BMP7: variants seen among roughly 807,000 people sequenced by gnomAD.
The protein encoded by BMP7 is osteogenic protein 1.
A neutral mutation model predicts 41.2 loss-of-function variants in BMP7; 12 were observed. That is an observed-to-expected ratio of 0.29 (90% confidence interval 0.19 to 0.47). The LOEUF (loss-of-function observed/expected upper bound fraction) is 0.47. BMP7 is among the 20% of genes least tolerant of loss of function. The pLI is 0.99. For missense variants in BMP7, 467 were observed against 606.0 expected, an observed-to-expected ratio of 0.77 and a Z score of 2.41; for synonymous variants, 248 against 250.0, an observed-to-expected ratio of 0.99 and a Z score of 0.07.
chr20:57,247,516 T>C (rs1056205643), intron 1 of BMP7, among the ~76,000 whole-genome samples: 1 of 152,106 alleles, frequency 6.6e-6, no homozygotes, highest in Non-Finnish European at 1.5e-5. Context: ...TCTCCCCTAA[T>C]CATCTCCTCC....
At chr20:57,248,396 A>G (rs1190105380) in intron 1 of BMP7, among the ~76,000 whole-genome samples, 1 of 152,196 alleles carries the variant, frequency 6.6e-6, no homozygotes, top group African/African-American at 2.4e-5. Context: ...AAGTAACAAG[A>G]CAGGGGCTTA....
chr20:57,207,228 G>A (rs1438703258), intron 2 of BMP7, among the ~76,000 whole-genome samples: 2 of 152,176 alleles, frequency 1.3e-5, no homozygotes, highest in Non-Finnish European at 2.9e-5. Context: ...CTACACTGCT[G>A]AAGGAAGAGA....
chr20:57,172,831 C>A (rs2123055762), intron 6 of BMP7, among the ~76,000 whole-genome samples: 1 of 152,296 alleles, frequency 6.6e-6, no homozygotes, highest in African/African-American at 2.4e-5. Context: ...GTGCCCCTCA[C>A]TGAAATTTCT....
chr20:57,266,148 G>A lies in BMP7; in HGVS notation c.-26C>T, dbSNP rs375765345. 1,548 of 1,503,164 alleles carry A rather than the reference G, an allele frequency of 1.0e-3. No individual in the cohort carries two copies. The highest frequency in any genetic ancestry group is 1.3e-3 in the Middle Eastern group (6 of 4,484). The allele number at this position is 1,503,164 out of a possible 1,614,324, so 93.1% of individuals were successfully genotyped here. On this transcript the variant is annotated 5_prime_UTR_variant, in exon 1 of 7. Coordinates refer to ENST00000395863, the MANE Select transcript of BMP7 (RefSeq NM_001719.3). Reference sequence around the variant, plus strand: ...CGCGCCGGCTCTACGCGCTACCCGGGCTCCGGGCTCCGGGCCCGCACCGCC... The same window carrying A: ...CGCGCCGGCTCTACGCGCTACCCGGACTCCGGGCTCCGGGCCCGCACCGCC...
chr20:57,216,528 G>GAGGGGGCTGTCTCCTGAGGGCA (rs1985026656), intron 2 of BMP7, among the ~76,000 whole-genome samples: 1 of 151,040 alleles, frequency 6.6e-6, no homozygotes, highest in African/African-American at 2.4e-5. Context: ...TCCTGAGGGC[G>GAGGGGGCTGTCTCCTGAGGGCA]AGGGGGCTGT....
chr20:57,218,712 TGGTGGTAGCTGGTGTTTGTTC>T (rs1985101910), intron 2 of BMP7, among the ~76,000 whole-genome samples: 1 of 151,182 alleles, frequency 6.6e-6, no homozygotes, highest in Non-Finnish European at 1.5e-5. Context: ...TGGGTTTGTT[TGGTGGTAGCTGGTGTTTGTTC>T]GGTGGTAGCT....
rs1202344737 is a variant in BMP7 at position 57,174,226 on chromosome 20, T to C, written c.1035+705A>G. Reference sequence around the variant, plus strand: ...AGTTGCCCTGATGACCTCATGACAATACCCTCTCCAGGGATATTTGAGCCC... The same window carrying C: ...AGTTGCCCTGATGACCTCATGACAACACCCTCTCCAGGGATATTTGAGCCC... On this transcript the variant is annotated intron_variant, in intron 5 of 6. Coordinates refer to ENST00000395863, the MANE Select transcript of BMP7 (RefSeq NM_001719.3). This position sits in a 1 kb window ranked among gnomAD's most constrained non-coding sequence, Gnocchi z 4.3. Among the ~76,000 whole-genome samples the C allele has an allele frequency of 6.6e-6, 1 of 152,038 alleles. No individual in the cohort carries two copies. Among genetic ancestry groups the C allele is most frequent in the Non-Finnish European group, 1.5e-5 (1 of 67,988 alleles).
Position 57,174,967 on chromosome 20 carries a change from G to C in BMP7, c.999C>G (p.His333Gln). The C allele has an allele frequency of 1.2e-6, 2 of 1,612,276 alleles. No homozygotes were observed. Among genetic ancestry groups the C allele is most frequent in the Non-Finnish European group, 1.7e-6 (2 of 1,179,886 alleles). Residue 333 changes from histidine to glutamine, a missense_variant, in exon 5 of 7, where the codon CAC (histidine) becomes CAG (glutamine). Around this residue, in one of 2 missense-constraint regions of BMP7, gnomAD observed 407 missense variants for 485.9 expected, o/e 0.84. Transcript: ENST00000395863. The surrounding 1 kb of genome is among the most constrained non-coding windows in gnomAD (Gnocchi z 4.3). ...GGTCTCGGAAGCTGACATACAGCTC[G>C]TGCTTCTTACAGGCCTGCCTCTGGT... ...SSDQRQACKK[H>Q]ELYVSFRDLG...
At chr20:57,172,888 T>C (rs1983842263) in intron 6 of BMP7, 2 of 590,738 alleles carry the variant, frequency 3.4e-6, no homozygotes, top group Non-Finnish European at 6.0e-6. Context: ...CAGGGCCCAG[T>C]GCTCTTAGGC....
rs994051225 is a variant in BMP7 at position 57,174,980 on chromosome 20, G to C, written c.986C>G (p.Ala329Gly). The C allele has an allele frequency of 3.1e-6, 5 of 1,612,044 alleles. No homozygotes were observed. The highest frequency in any genetic ancestry group is 4.2e-6 in the Non-Finnish European group (5 of 1,179,908). ...GACATACAGCTCGTGCTTCTTACAG[G>C]CCTGCCTCTGGTCGCTGCTGCTGTT... is the stretch of plus-strand genomic sequence containing the variant. ...AENSSSDQRQ[A>G]CKKHELYVSF... The change falls in exon 5 of 7, where the codon GCC (alanine) becomes GGC (glycine). Residue 329 changes from alanine to glycine, a missense_variant. Ala to Gly is a moderately conservative substitution (Grantham distance 60, BLOSUM62 0). This residue lies in a region of BMP7 where 407 missense variants were observed against 485.9 expected (regional missense o/e 0.84). Coordinates refer to ENST00000395863, the MANE Select transcript of BMP7 (RefSeq NM_001719.3). The surrounding 1 kb of genome is among the most constrained non-coding windows in gnomAD (Gnocchi z 4.3).
chr20:57,239,167 A>C (rs1351641328), intron 1 of BMP7, among the ~76,000 whole-genome samples: 1 of 152,216 alleles, frequency 6.6e-6, no homozygotes, highest in Non-Finnish European at 1.5e-5. Flanking sequence ...CTCTAAAACC[A>C]AAAGCAAGCT....
rs1985253158 is a variant in BMP7 at position 57,224,144 on chromosome 20, T to C, written c.611+4085A>G. On this transcript the variant is annotated intron_variant, in intron 2 of 6. Coordinates refer to ENST00000395863, the MANE Select transcript of BMP7 (RefSeq NM_001719.3). The surrounding 1 kb of genome is among the most constrained non-coding windows in gnomAD (Gnocchi z 4.8). ...CAGGAAACTGAGCCCAGGCCTCCTC[T>C]GCCAATCCATCCTGTGTGGTGGGGA... 2.0e-5 allele frequency among the ~76,000 whole-genome samples: 3 copies of C among 152,318 alleles called. No homozygotes were observed. In the South Asian group the frequency reaches 6.2e-4, roughly 32 times the overall value.
rs1028464136 is a variant in BMP7, at chr20:57,265,636, C to G, written c.418+69G>C. 7.8e-6 allele frequency: 12 copies of G among 1,545,348 alleles called. No homozygotes were observed. In the Middle Eastern group the frequency reaches 5.0e-4, roughly 64 times the overall value. ...AGCTGGGCGGGCTGCATAGAAGAAG[C>G]GGCTCCCTCCCTCCCAGTCTCAAAG... On this transcript the variant is annotated intron_variant, in intron 1 of 6. Transcript: ENST00000395863.
chr20:57,225,392 C>T (rs1332265466), intron 2 of BMP7, among the ~76,000 whole-genome samples: 3 of 152,300 alleles, frequency 2.0e-5, no homozygotes, highest in South Asian at 2.1e-4. Context: ...TCTTGCTCCA[C>T]TTCCTGCTGT....
At chr20:57,222,585 G>T (rs1568720647) in intron 2 of BMP7, among the ~76,000 whole-genome samples, 1 of 152,060 alleles carries the variant, frequency 6.6e-6, no homozygotes, top group Non-Finnish European at 1.5e-5. Context: ...GGACTGCGAG[G>T]AAAAATGCCA....
chr20:57,254,410 C>G (rs902111500), intron 1 of BMP7, among the ~76,000 whole-genome samples: 2 of 152,140 alleles, frequency 1.3e-5, no homozygotes, highest in Non-Finnish European at 2.9e-5. Flanking sequence ...TATCCTTTCC[C>G]TCCTCCCCAC....
In BMP7 at chr20:57,175,017, C is replaced by A. The variant is rs778234407; in HGVS notation, c.959-10G>T. 6.2e-7 allele frequency: 1 copy of A among 1,609,138 alleles called. No individual in the cohort carries two copies. The highest frequency in any genetic ancestry group is 8.5e-7 in the Non-Finnish European group (1 of 1,179,524). On this transcript the variant is annotated splice_polypyrimidine_tract_variant and intron_variant, in intron 4 of 6. Transcript: ENST00000395863. ...TCGCTGCTGCTGTTCTCTGCATTGA[C>A]AAGGAAGTGAAGAAGCAGAGCCCAG... is the stretch of plus-strand genomic sequence containing the variant.
intron 3 of BMP7, among the ~76,000 whole-genome samples, chr20:57,193,657 C>T (rs1010572056): frequency 3.9e-5 from 6 of 152,318 alleles, no homozygotes; most frequent in African/African-American, 1.4e-4. Context: ...ATGTAAGTAG[C>T]ATAATTTGTT....
intron 1 of BMP7, among the ~76,000 whole-genome samples, chr20:57,254,475 TTACTGCAATGTG>T (rs1323574673): frequency 1.3e-5 from 2 of 152,264 alleles, no homozygotes; most frequent in South Asian, 4.1e-4. Flanking sequence ...GTCCATGGTA[TTACTGCAATGTG>T]TATGAACCCA....
Sources: gnomAD v4.1 joint callset for allele counts (sites outside exome capture counted in the v4.1 genomes callset) on GRCh38, gnomAD v4.1.1 for gene constraint, gnomAD v4.1.1 regional missense constraint, Gnocchi (gnomAD v3.1) non-coding constraint, MANE v1.5 for transcripts, NCBI Gene and HGNC (gene_info 2026-07-23, HGNC 2026-07-21) for gene names.